The following RP1L1 variants were observed in gnomAD, a reference collection of about 807,000 sequenced individuals.
The protein encoded by RP1L1 is retinitis pigmentosa 1-like 1 protein.
In RP1L1, 27 loss-of-function variants were observed where a neutral mutation model predicts 15.7. The observed-to-expected ratio is 1.72, with a 90% CI of 1.27 to 2.38. RP1L1 has a LOEUF of 2.38. RP1L1 is among the 30% of genes most tolerant of loss of function. The pLI is 0.00. For missense variants in RP1L1, 4,798 were observed against 3,075.9 expected (o/e 1.56, Z -13.24); for synonymous variants, 1,813 against 1,276.7 (o/e 1.42, Z -8.96).
At chr8:10,645,686 C>A (rs1409684415) in intron 1 of RP1L1, among the ~76,000 whole-genome samples, 1 of 152,158 alleles carries the variant, frequency 6.6e-6, no homozygotes, top group Non-Finnish European at 1.5e-5. Context: ...CGCGAGGCTG[C>A]GAGCATTGGG....
chr8:10,635,824 C>T (rs1349816335), intron 1 of RP1L1, among the ~76,000 whole-genome samples: 1 of 152,182 alleles, frequency 6.6e-6, no homozygotes. Flanking sequence ...ACTTACGGAG[C>T]GCTGAGAGTG....
chr8:10,625,179 C>T (rs569380693), intron 1 of RP1L1, among the ~76,000 whole-genome samples: 2 of 152,304 alleles, frequency 1.3e-5, no homozygotes, highest in African/African-American at 4.8e-5. Context: ...CAATCAGGAG[C>T]AGGGGAAGAC....
chr8:10,654,197 C>A (rs28459259), intron 1 of RP1L1, among the ~76,000 whole-genome samples: 1 of 151,972 alleles, frequency 6.6e-6, no homozygotes, highest in African/African-American at 2.4e-5. Context: ...TGGCACTTGA[C>A]TGGCCGCTGG....
chr8:10,606,750 A>T lies in RP1L1; in HGVS notation c.*145T>A, dbSNP rs1244487357. 1 of 1,355,802 alleles carries T rather than the reference A, an allele frequency of 7.4e-7. No individual in the cohort carries two copies. Among genetic ancestry groups the T allele is most frequent in the East Asian group, 2.4e-5 (1 of 40,932 alleles). The allele number at this position is 1,355,802 out of a possible 1,614,324, so 84.0% of individuals were successfully genotyped here. A position where few individuals can be genotyped will look rare whatever the true frequency, so the allele number is the denominator to read the frequency against. On this transcript the variant is annotated 3_prime_UTR_variant, in exon 4 of 4. Transcript: ENST00000382483. ...CTTAAGAGTCCCAGGACAGCATGGC[A>T]TGGGCTGTGTCCTTGGCAAGTCCTT...
chr8:10,609,344 C>G lies in RP1L1; in HGVS notation c.4754G>C (p.Arg1585Thr). Reference sequence around the variant, plus strand: ...CTCCCTTGGAGGCTCCAGCACCATCCTACCCGCCCGGCCCTGGAGCTTCTG... The same window carrying G: ...CTCCCTTGGAGGCTCCAGCACCATCGTACCCGCCCGGCCCTGGAGCTTCTG... ...ELQKLQGRAG[R>T]MVLEPPREAL... is the part of the protein sequence containing the mutation. Residue 1585 changes from arginine to threonine, a missense_variant, in exon 4 of 4, where the codon AGG becomes ACG. Physicochemically the swap from Arg to Thr is moderately conservative, Grantham distance 71 (BLOSUM62 -1). Coordinates refer to ENST00000382483, the MANE Select transcript of RP1L1 (RefSeq NM_178857.6). The G allele has an allele frequency of 6.2e-7, 1 of 1,612,334 alleles. No individual in the cohort carries two copies. Among genetic ancestry groups the G allele is most frequent in the Non-Finnish European group, 8.5e-7 (1 of 1,179,876 alleles).
rs753036664 is a variant in RP1L1 at position 10,607,928 on chromosome 8, G to A, written c.6170C>T (p.Ala2057Val). ...CTGTGCCTCCTCTTCTGCCTCCGGG[G>A]CCTCTACACCGTCTGACTCTGGCTG... is the stretch of plus-strand genomic sequence containing the variant. ...DAQPESDGVEAPEAEEEAQEA... is the reference protein window; with the variant it reads ...DAQPESDGVEVPEAEEEAQEA... Residue 2057 changes from alanine to valine, a missense_variant, in exon 4 of 4, where the codon GCC becomes GTC. Transcript: ENST00000382483. 6.2e-7 allele frequency: 1 copy of A among 1,611,998 alleles called. No homozygotes were observed. Among genetic ancestry groups the A allele is most frequent in the Non-Finnish European group, 8.5e-7 (1 of 1,179,362 alleles).
At chr8:10,643,377 C>G (rs1174129312) in intron 1 of RP1L1, among the ~76,000 whole-genome samples, 1 of 152,136 alleles carries the variant, frequency 6.6e-6, no homozygotes, top group Non-Finnish European at 1.5e-5. Flanking sequence ...TGGTGTCTCT[C>G]TGATTCTGAC....
Position 10,612,288 on chromosome 8 carries a change from C to G in RP1L1, c.1810G>C (p.Ala604Pro). The change falls in exon 4 of 4, where the codon GCG (alanine) becomes CCG (proline). Residue 604 changes from alanine to proline, a missense_variant. By Grantham distance (27) the Ala-to-Pro change is conservative. Coordinates refer to ENST00000382483, the MANE Select transcript of RP1L1 (RefSeq NM_178857.6). ...ACCAGAGGCTCCCTTGTCACAGCCG[C>G]TCCCGTGGCCTGCTCGGTGCCCTGT... Reference protein sequence around the residue: ...QGQGTEQATGAAVTREPLVLG... With the variant: ...QGQGTEQATGPAVTREPLVLG... The G allele has an allele frequency of 1.9e-6, 3 of 1,613,254 alleles. No homozygotes were observed. Among genetic ancestry groups the G allele is most frequent in the Non-Finnish European group, 2.5e-6 (3 of 1,180,030 alleles).
intron 1 of RP1L1, among the ~76,000 whole-genome samples, chr8:10,637,642 T>C (rs1798349252): frequency 6.6e-6 from 1 of 152,192 alleles, no homozygotes; most frequent in Admixed American, 6.6e-5. Context: ...CTAGATCTAC[T>C]TGATATATGC....
chr8:10,630,721 C>T (rs142176663), intron 1 of RP1L1, among the ~76,000 whole-genome samples: 10 of 152,202 alleles, frequency 6.6e-5, no homozygotes, highest in African/African-American at 2.4e-4. Context: ...TCTAAATTCA[C>T]GTCTTGCACA....
chr8:10,616,741 C>G (rs566360159), intron 2 of RP1L1, among the ~76,000 whole-genome samples, 154 bp from the exon 3 acceptor site: 1 of 152,276 alleles, frequency 6.6e-6, no homozygotes, highest in African/African-American at 2.4e-5. Flanking sequence ...CTTATCCACT[C>G]CCCATAACAC....
intron 2 of RP1L1, among the ~76,000 whole-genome samples, chr8:10,618,294 G>C (rs946895988): frequency 3.9e-5 from 6 of 152,108 alleles, no homozygotes; most frequent in South Asian, 2.1e-4. Flanking sequence ...GAGCCCAGGA[G>C]TTTGAGATCA....
At chr8:10,614,338 G>T (rs1034982084) in intron 3 of RP1L1, among the ~76,000 whole-genome samples, 1 of 152,168 alleles carries the variant, frequency 6.6e-6, no homozygotes, top group Non-Finnish European at 1.5e-5. Flanking sequence ...GAGAAGAAAG[G>T]GCTGCTAAGG....
At chr8:10,615,474 AC>A (rs1031437591) in intron 3 of RP1L1, among the ~76,000 whole-genome samples, 1 of 152,104 alleles carries the variant, frequency 6.6e-6, no homozygotes, top group African/African-American at 2.4e-5. Context: ...GACCATCGTG[AC>A]CCTGAAAGGA....
intron 1 of RP1L1, among the ~76,000 whole-genome samples, chr8:10,625,927 T>C (rs1040109995): frequency 7.1e-6 from 1 of 139,866 alleles, no homozygotes; most frequent in African/African-American, 2.7e-5. Flanking sequence ...CATTGTGGGA[T>C]GGAAAAGGAG....
chr8:10,618,430 C>G (rs1041128234), intron 2 of RP1L1, among the ~76,000 whole-genome samples: 1 of 152,182 alleles, frequency 6.6e-6, no homozygotes. Context: ...TTGCTTCAAC[C>G]CTGGAAGCGG....
In RP1L1 at chr8:10,608,878, C is replaced by G; in HGVS notation, c.5220G>C (p.Val1740=). The change falls in exon 4 of 4, where the codon GTG becomes GTC. Residue 1740 remains valine (V), a synonymous_variant. Coordinates refer to ENST00000382483, the MANE Select transcript of RP1L1 (RefSeq NM_178857.6). ...TCCCCTCGCCATCCTCACCCTCGTC[C>G]ACTCCAGGCCCCTGGCTCAGCCCCG... ...LGPGLSQGPG[V]DEGEDGEGSQ... 5.6e-6 allele frequency: 9 copies of G among 1,614,020 alleles called. No homozygotes were observed. The highest frequency in any genetic ancestry group is 7.6e-6 in the Non-Finnish European group (9 of 1,180,034).
chr8:10,649,915 T>C (rs2117269215), intron 1 of RP1L1, among the ~76,000 whole-genome samples: 1 of 152,318 alleles, frequency 6.6e-6, no homozygotes, highest in Admixed American at 6.5e-5. Flanking sequence ...TCTTGCTTGC[T>C]GTCACAGGTC....
intron 2 of RP1L1, chr8:10,621,561 G>C: frequency 2.6e-6 from 1 of 380,924 alleles, no homozygotes; most frequent in South Asian, 2.0e-5. Flanking sequence ...CCTGACCTCA[G>C]GTGATCCGCC....
Sources: gnomAD v4.1 joint callset for allele counts (sites outside exome capture counted in the v4.1 genomes callset) on GRCh38, gnomAD v4.1.1 for gene constraint, MANE v1.5 for transcripts, NCBI Gene and HGNC (gene_info 2026-07-23, HGNC 2026-07-21) for gene names.